FABP6: variants seen among roughly 807,000 people sequenced by gnomAD.
FABP6 encodes the protein fatty acid binding protein 6.
In FABP6, 13 loss-of-function variants were observed where a neutral mutation model predicts 14.9. The ratio of observed to expected loss-of-function variants is 0.87; its 90% CI spans 0.57 to 1.39. The LOEUF (loss-of-function observed/expected upper bound fraction) is 1.39. Among genes scored for constraint, FABP6 ranks in the 40% most tolerant of loss-of-function variants. FABP6 has a pLI of 0.00. For synonymous variants in FABP6, 75 were observed against 63.6 expected (o/e 1.18, Z -0.85); for missense variants, 161 against 167.2 (o/e 0.96, Z 0.20).
At chr5:160,201,134 T>A (rs1338838842) in intron 2 of FABP6, among the ~76,000 whole-genome samples, 1 of 151,920 alleles carries the variant, frequency 6.6e-6, no homozygotes, top group Non-Finnish European at 1.5e-5. Flanking sequence ...GGCAGGAGGA[T>A]CACTTGAGCC....
intron 3 of FABP6, among the ~76,000 whole-genome samples, chr5:160,219,968 GCCTATT>G (rs1760097821): frequency 6.6e-6 from 1 of 152,060 alleles, no homozygotes; most frequent in Admixed American, 6.6e-5. Context: ...CAGCCTTACA[GCCTATT>G]CCACATAGAT....
chr5:160,194,968 T>C (rs1237039746), intron 1 of FABP6, among the ~76,000 whole-genome samples: 1 of 151,928 alleles, frequency 6.6e-6, no homozygotes, highest in Non-Finnish European at 1.5e-5. Flanking sequence ...ACAGACAGAG[T>C]ATTTCCTGGG....
intron 3 of FABP6, among the ~76,000 whole-genome samples, chr5:160,219,500 C>T (rs6868593): frequency 0.22 from 32,763 of 151,990 alleles, 3,608 homozygotes; most frequent in South Asian, 0.25. Flanking sequence ...ATAGGTAAAC[C>T]CAGGAGAAGA....
At position 160,234,855 on chromosome 5, in the gene FABP6, G is replaced by A. The variant is rs1368917550; in HGVS notation, c.279G>A (p.Val93=). ...TVQMEGGKLV[V]NFPNYHQTSE... is the part of the protein sequence containing the mutation. Reference sequence around the variant, plus strand: ...AGATGGAGGGCGGGAAGCTGGTGGTGAATTTCCCCAACTATCACCAGACCT... The same window carrying A: ...AGATGGAGGGCGGGAAGCTGGTGGTAAATTTCCCCAACTATCACCAGACCT... The change falls in exon 3 of 4, where the codon GTG becomes GTA. Residue 93 remains valine (V), a synonymous_variant. Transcript: ENST00000402432. 20 of 1,611,310 alleles carry A rather than the reference G, an allele frequency of 1.2e-5. No homozygotes were observed. The highest frequency in any genetic ancestry group is 3.4e-6 in the Non-Finnish European group (4 of 1,178,670).
intron 2 of FABP6, among the ~76,000 whole-genome samples, chr5:160,205,886 T>G (rs1759754728): frequency 6.6e-6 from 1 of 152,072 alleles, no homozygotes; most frequent in African/African-American, 2.4e-5. Context: ...AACTTGAGAG[T>G]CCTCCCTTCC....
At chr5:160,193,605 A>C (rs4409134) in intron 1 of FABP6, among the ~76,000 whole-genome samples, 1 of 151,998 alleles carries the variant, frequency 6.6e-6, no homozygotes, top group African/African-American at 2.4e-5. Flanking sequence ...CCATCAGATT[A>C]GTTAGATACA....
At chr5:160,210,444 T>C (rs1759863254) in intron 2 of FABP6, among the ~76,000 whole-genome samples, 1 of 152,192 alleles carries the variant, frequency 6.6e-6, no homozygotes, top group Admixed American at 6.5e-5. Flanking sequence ...AAGGAATCTA[T>C]CCCTATGGTG....
intron 2 of FABP6, among the ~76,000 whole-genome samples, chr5:160,205,382 A>C (rs978343228): frequency 4.6e-5 from 7 of 151,816 alleles, no homozygotes; most frequent in Admixed American, 2.0e-4. Context: ...GCATGTTCAT[A>C]CATGTTCAAA....
intron 2 of FABP6, among the ~76,000 whole-genome samples, chr5:160,207,999 CA>C (rs1259627391): frequency 6.6e-6 from 1 of 152,152 alleles, no homozygotes; most frequent in Non-Finnish European, 1.5e-5. Flanking sequence ...GCTGGGATTA[CA>C]GGAGTGAGCT....
intron 2 of FABP6, among the ~76,000 whole-genome samples, chr5:160,234,567 C>T (rs1760465868): frequency 6.6e-6 from 1 of 151,956 alleles, no homozygotes; most frequent in Non-Finnish European, 1.5e-5. Flanking sequence ...GCTGGGATTA[C>T]AGGCATGAGC....
At chr5:160,209,006 G>T (rs1276504216) in intron 2 of FABP6, among the ~76,000 whole-genome samples, 3 of 151,410 alleles carry the variant, frequency 2.0e-5, no homozygotes, top group Non-Finnish European at 4.4e-5. Context: ...TCAAACTCCT[G>T]ACCTTGTGAT....
intron 1 of FABP6, among the ~76,000 whole-genome samples, chr5:160,191,630 G>A (rs1759395106): frequency 1.3e-5 from 2 of 151,590 alleles, no homozygotes; most frequent in South Asian, 4.2e-4. Context: ...TTTTTTAATT[G>A]AGATGGGGTC....
At chr5:160,197,362 G>A (rs956550809) in intron 1 of FABP6, 5 of 152,236 alleles carry the variant, frequency 3.3e-5, no homozygotes, top group Admixed American at 1.3e-4. Context: ...AACCCCTTCA[G>A]TAGAGAGAGA....
At chr5:160,229,155 C>T (rs1158164332), upstream of FABP6, among the ~76,000 whole-genome samples, 1 of 152,170 alleles carries the variant, frequency 6.6e-6, no homozygotes, top group Non-Finnish European at 1.5e-5. Context: ...TCAGTGCTGG[C>T]CCTGCATGCA....
chr5:160,229,294 A>G (rs1417087021), upstream of FABP6: 5 of 567,742 alleles, frequency 8.8e-6, no homozygotes, highest in Non-Finnish European at 1.4e-5. Flanking sequence ...ATGACTCCTC[A>G]AACCCGTTGC....
chr5:160,228,668 A>AT, upstream of FABP6: 1 of 392,956 alleles, frequency 2.5e-6, no homozygotes, highest in Non-Finnish European at 5.1e-6. Context: ...GGCATCTTCA[A>AT]GGCACCTGGC....
At chr5:160,205,750 T>C (rs889154178) in intron 2 of FABP6, among the ~76,000 whole-genome samples, 2 of 152,182 alleles carry the variant, frequency 1.3e-5, no homozygotes, top group Admixed American at 1.3e-4. Context: ...GATTCTGTAA[T>C]GTGAGAGTGT....
intron 2 of FABP6, among the ~76,000 whole-genome samples, chr5:160,202,798 CAAA>C (rs201563241): frequency 3.1e-4 from 39 of 127,834 alleles, no homozygotes; most frequent in African/African-American, 8.2e-4. Flanking sequence ...AACTCCATCT[CAAA>C]AAAAAAAAAA....
chr5:160,218,120 T>A (rs1201599855), intron 3 of FABP6, among the ~76,000 whole-genome samples: 1 of 151,920 alleles, frequency 6.6e-6, no homozygotes, highest in Non-Finnish European at 1.5e-5. Flanking sequence ...TTCTGTTTGT[T>A]TTTTTTAGGG....
Sources: allele counts gnomAD v4.1 joint callset (sites outside exome capture counted in the v4.1 genomes callset), GRCh38; gene constraint gnomAD v4.1.1; transcripts MANE v1.5; gene names NCBI Gene and HGNC (gene_info 2026-07-23, HGNC 2026-07-21).